The following GYG2 variants were observed in gnomAD, a reference collection of about 807,000 sequenced individuals.
GYG2 encodes the protein glycogenin-2.
In GYG2, 29 loss-of-function variants were observed where a neutral mutation model predicts 29.4. That is an observed-to-expected ratio of 0.99 (90% CI 0.74 to 1.35). The LOEUF (loss-of-function observed/expected upper bound fraction) is 1.35. Ranked by LOEUF, GYG2 falls within the 40% of genes most tolerant of loss-of-function variation. GYG2 has a pLI of 0.00. For synonymous variants in GYG2, 167 were observed against 172.3 expected (o/e 0.97, Z 0.24); for missense variants, 370 against 385.7 (o/e 0.96, Z 0.34).
chrX:2,849,094 A>C (rs2087810691), intron 3 of GYG2, among the ~76,000 whole-genome samples: 1 of 111,752 alleles, frequency 8.9e-6, no homozygotes, highest in Non-Finnish European at 1.9e-5. Flanking sequence ...AATTGTATTC[A>C]TGAAACATAA....
intron 3 of GYG2, 44 bp downstream of exon 3, chrX:2,843,398 A>C (rs2087550408): frequency 9.4e-7 from 1 of 1,060,183 alleles, no homozygotes; most frequent in Admixed American, 2.5e-5. Flanking sequence ...GGTCCTATAG[A>C]AGGAGGGTCA....
At chrX:2,831,945 T>A (rs907929367) in intron 2 of GYG2, among the ~76,000 whole-genome samples, 2 of 112,573 alleles carry the variant, frequency 1.8e-5, no homozygotes, top group African/African-American at 6.5e-5. Flanking sequence ...GTTTTCTTGC[T>A]GTTTTTCCAC....
chrX:2,861,748 G>T, intron 8 of GYG2, 26 bp downstream of exon 8: 2 of 1,068,008 alleles, frequency 1.9e-6, no homozygotes, highest in Non-Finnish European at 2.6e-6. Context: ...CCTCACAGGT[G>T]TGATAGTCAG....
intron 2 of GYG2, among the ~76,000 whole-genome samples, chrX:2,838,063 T>C (rs1409828789): frequency 9.0e-6 from 1 of 111,105 alleles, no homozygotes; most frequent in Non-Finnish European, 1.9e-5. Context: ...TGAATGCAAG[T>C]CCATTCTCAG....
chrX:2,867,561 G>A (rs1322168838), intron 8 of GYG2, among the ~76,000 whole-genome samples: 1 of 111,317 alleles, frequency 9.0e-6, no homozygotes. Flanking sequence ...CCGGAGGGGG[G>A]ACGCCTGCAT....
chrX:2,837,327 G>A (rs946257484), intron 2 of GYG2, among the ~76,000 whole-genome samples: 2 of 112,145 alleles, frequency 1.8e-5, no homozygotes, highest in Non-Finnish European at 3.8e-5. Context: ...ATAGGAGTTG[G>A]CACGCTAAAT....
chrX:2,873,327 G>A (rs991232207), intron 8 of GYG2, among the ~76,000 whole-genome samples: 2 of 108,348 alleles, frequency 1.8e-5, no homozygotes, highest in Non-Finnish European at 3.8e-5. Flanking sequence ...GAAAGAAGAA[G>A]CCCATATTTT....
chrX:2,855,895 A>T (rs1171633129), intron 5 of GYG2, among the ~76,000 whole-genome samples: 1 of 112,166 alleles, frequency 8.9e-6, no homozygotes, highest in Non-Finnish European at 1.9e-5. Context: ...ACTGCACTCC[A>T]GTCAGGTTGA....
intron 3 of GYG2, among the ~76,000 whole-genome samples, chrX:2,844,029 G>A: frequency 8.9e-6 from 1 of 112,105 alleles, no homozygotes; most frequent in Middle Eastern, 4.6e-3. Context: ...TGCGTCTAAT[G>A]AATAAAGCAT....
intron 2 of GYG2, among the ~76,000 whole-genome samples, chrX:2,833,269 G>A (rs1000943881): frequency 9.1e-6 from 1 of 109,775 alleles, no homozygotes; most frequent in Non-Finnish European, 1.9e-5. Context: ...TCCTCTTGTA[G>A]TGAGGCCAGC....
chrX:2,842,115 A>G (rs1423803648), intron 2 of GYG2, among the ~76,000 whole-genome samples: 1 of 111,963 alleles, frequency 8.9e-6, no homozygotes, highest in Non-Finnish European at 1.9e-5. Flanking sequence ...TTTGTAAGAA[A>G]TGGTCTGTCC....
intron 2 of GYG2, chrX:2,842,939 C>T (rs774713069): frequency 2.2e-4 from 76 of 353,118 alleles, no homozygotes; most frequent in African/African-American, 1.5e-3. Flanking sequence ...TCAGCCTCTC[C>T]GAGTAGCTGT....
chrX:2,857,598 A>G (rs976221154), intron 6 of GYG2, among the ~76,000 whole-genome samples: 2 of 111,056 alleles, frequency 1.8e-5, no homozygotes, highest in Non-Finnish European at 3.8e-5. Flanking sequence ...CTATATAGGC[A>G]TCTATCCATC....
At chrX:2,879,099 G>T (rs757090840) in intron 10 of GYG2, among the ~76,000 whole-genome samples, 1 of 110,661 alleles carries the variant, frequency 9.0e-6, no homozygotes, top group Non-Finnish European at 1.9e-5. Context: ...TAATATATGG[G>T]AATGAGTGTA....
chrX:2,857,752 AG>A (rs2088055482), intron 6 of GYG2, among the ~76,000 whole-genome samples: 1 of 111,428 alleles, frequency 9.0e-6, no homozygotes, highest in African/African-American at 3.3e-5. Context: ...TAGCTAGCCA[AG>A]GCTCTACGAC....
At chrX:2,874,082 TC>T (rs1249282503) in intron 8 of GYG2, among the ~76,000 whole-genome samples, 2 of 105,900 alleles carry the variant, frequency 1.9e-5, no homozygotes, top group Non-Finnish European at 3.9e-5. Flanking sequence ...GGTGACTCTG[TC>T]TCAAAAATAA....
At chrX:2,866,839 A>T (rs947727860) in intron 8 of GYG2, among the ~76,000 whole-genome samples, 2 of 31,293 alleles carry the variant, frequency 6.4e-5, no homozygotes, top group Non-Finnish European at 2.2e-4. Flanking sequence ...TTTTTTTTTA[A>T]AAAAAAGTAT....
chrX:2,875,874 C>T lies in GYG2; in HGVS notation c.1103C>T (p.Ser368Phe), dbSNP rs1327153974. 1 of 1,190,264 alleles carries T rather than the reference C, an allele frequency of 8.4e-7. No individual in the cohort carries two copies. Among genetic ancestry groups the T allele is most frequent in the Non-Finnish European group, 1.1e-6 (1 of 876,544 alleles). Residue 368 changes from serine to phenylalanine, a missense_variant, in exon 9 of 11, where the codon TCC becomes TTC. Ser to Phe is a radical substitution (Grantham distance 155, BLOSUM62 -2). Transcript: ENST00000398806. ...VITCDPLSQP[S>F]PQPADFTETE... Reference sequence around the variant, plus strand: ...ACGTGTGACCCACTGTCCCAGCCTTCCCCTCAGCCTGCAGACTTCACAGAG... The same window carrying T: ...ACGTGTGACCCACTGTCCCAGCCTTTCCCTCAGCCTGCAGACTTCACAGAG...
In GYG2 at chrX:2,881,517, G is replaced by A. The variant is rs1033245005; in HGVS notation, c.*304G>A. ...TAGTAGACTCTCGATGGTGGTCTCCGCTCTTGCCCGAAGGACCTCTGAAGT... is the reference window on the plus strand; with the variant it reads ...TAGTAGACTCTCGATGGTGGTCTCCACTCTTGCCCGAAGGACCTCTGAAGT... On this transcript the variant is annotated 3_prime_UTR_variant, in exon 11 of 11. Coordinates refer to ENST00000398806, the MANE Select transcript of GYG2 (RefSeq NM_001079855.2). 9.5e-6 allele frequency: 2 copies of A among 210,619 alleles called. No individual in the cohort carries two copies. Among genetic ancestry groups the A allele is most frequent in the Admixed American group, 6.8e-5 (1 of 14,705 alleles). The allele number at this position is 210,619 out of a possible 1,213,427, so 17.4% of individuals were successfully genotyped here.
Sources: gnomAD v4.1 joint callset for allele counts (sites outside exome capture counted in the v4.1 genomes callset) on GRCh38, gnomAD v4.1.1 for gene constraint, MANE v1.5 for transcripts, NCBI Gene and HGNC (gene_info 2026-07-23, HGNC 2026-07-21) for gene names.